Variants in WWP2 observed in about 807,000 individuals in gnomAD.
WWP2 encodes NEDD4-like E3 ubiquitin-protein ligase WWP2.
Under a neutral mutation model 121.0 loss-of-function variants are expected in WWP2, and 57 were observed. The ratio of observed to expected loss-of-function variants is 0.47; its 90% confidence interval spans 0.38 to 0.59. The LOEUF (loss-of-function observed/expected upper bound fraction) is 0.59, where lower values mean the gene tolerates loss of function less well. Among genes scored for constraint, WWP2 ranks in the 20% least tolerant of loss-of-function variants. WWP2 has a pLI of 0.00. For missense variants in WWP2, 962 were observed against 1,158.9 expected (o/e 0.83, Z 2.47); for synonymous variants, 449 against 441.3 (o/e 1.02, Z -0.22).
In WWP2 at chr16:69,821,023, C is replaced by T. The variant is rs1029364257; in HGVS notation, c.341-19103C>T. Among the ~76,000 whole-genome samples, 8 of 152,378 alleles carry T rather than the reference C, an allele frequency of 5.3e-5. No homozygotes were observed. In the East Asian group the frequency reaches 1.4e-3, roughly 26 times the overall value. ...GGCTATGGGCTGAGCCCAGTTCCAG[C>T]CGCCAAATGCAAGCCGTTGTTTCAT... On this transcript the variant is annotated intron_variant, in intron 4 of 23. Coordinates refer to ENST00000359154, the MANE Select transcript of WWP2 (RefSeq NM_001270454.2).
chr16:69,935,817 A>C lies in WWP2; in HGVS notation c.1843-36A>C, dbSNP rs745424513. On this transcript the variant is annotated intron_variant, in intron 17 of 23. Transcript: ENST00000359154. This position sits in a 1 kb window ranked among gnomAD's most constrained non-coding sequence, Gnocchi z 5.2. ...AGCTGGTCTTGGCAGTGCCCAGGGA[A>C]GGCCAAACCTCTGTGCTGTGCCTCT... is the stretch of plus-strand genomic sequence containing the variant. 6.3e-7 allele frequency: 1 copy of C among 1,586,890 alleles called. No individual in the cohort carries two copies. The highest frequency in any genetic ancestry group is 2.2e-5 in the East Asian group (1 of 44,738).
intron 7 of WWP2, among the ~76,000 whole-genome samples, chr16:69,877,342 C>T (rs2151924223): frequency 6.6e-6 from 1 of 152,336 alleles, no homozygotes; most frequent in East Asian, 1.9e-4. Context: ...TCTGCAACTT[C>T]CTCACCACTC....
intron 4 of WWP2, among the ~76,000 whole-genome samples, chr16:69,818,900 C>T (rs925454528): frequency 1.3e-5 from 2 of 152,160 alleles, no homozygotes; most frequent in Non-Finnish European, 2.9e-5. Context: ...GCCCAAAACT[C>T]ACAGCTAGGG....
intron 1 of WWP2, among the ~76,000 whole-genome samples, chr16:69,764,279 A>G (rs914126026): frequency 1.3e-5 from 2 of 152,094 alleles, no homozygotes; most frequent in African/African-American, 2.4e-5. Context: ...GGCTCACTGT[A>G]ACCTTGACCT....
chr16:69,835,319 G>C (rs566477195), intron 4 of WWP2, among the ~76,000 whole-genome samples: 1 of 152,134 alleles, frequency 6.6e-6, no homozygotes, highest in Admixed American at 6.5e-5. Flanking sequence ...AGCCTCCCCT[G>C]TATGCTCGAA....
At chr16:69,904,599 G>A (rs1464457036) in intron 8 of WWP2, among the ~76,000 whole-genome samples, 5 of 152,078 alleles carry the variant, frequency 3.3e-5, no homozygotes, top group Non-Finnish European at 7.4e-5. Flanking sequence ...TCAAACTCCT[G>A]GTTTCAAGTG....
At chr16:69,879,199 A>G (rs1015679973) in intron 7 of WWP2, among the ~76,000 whole-genome samples, 34 of 152,190 alleles carry the variant, frequency 2.2e-4, no homozygotes, top group African/African-American at 7.2e-4. Flanking sequence ...TACAATTTTT[A>G]AAAATTGTAG....
At chr16:69,807,303 G>A (rs146880494) in intron 4 of WWP2, among the ~76,000 whole-genome samples, 2 of 152,036 alleles carry the variant, frequency 1.3e-5, no homozygotes, top group Admixed American at 6.6e-5. Context: ...CCATACTGCC[G>A]GGATTACAGG....
intron 10 of WWP2, among the ~76,000 whole-genome samples, chr16:69,923,837 A>C (rs570292105): frequency 1.3e-3 from 198 of 152,264 alleles, no homozygotes; most frequent in African/African-American, 4.4e-3. Context: ...GAATGTTTTT[A>C]ATGTGTTAAC....
rs1437321375 is a variant in WWP2 at position 69,871,911 on chromosome 16, G to A, written c.683G>A (p.Ser228Asn). 1.9e-6 allele frequency: 3 copies of A among 1,613,932 alleles called. No homozygotes were observed. The highest frequency in any genetic ancestry group is 2.5e-6 in the Non-Finnish European group (3 of 1,179,988). ...CAGCCCGTCAAGAACTCAGGCCACA[G>A]TGGCTTGGCCAATGGCACAGGTGAG... The part of the protein sequence containing the change: ...HRQPVKNSGH[S>N]GLANGTVNDE... The change falls in exon 7 of 24, where the codon AGT (serine) becomes AAT (asparagine). Residue 228 changes from serine to asparagine, a missense_variant. Coordinates refer to ENST00000359154, the MANE Select transcript of WWP2 (RefSeq NM_001270454.2).
chr16:69,937,604 C>A lies in WWP2; in HGVS notation c.2295C>A (p.Ile765=), dbSNP rs767693357. Residue 765 remains isoleucine, a synonymous_variant, in exon 21 of 24, where the codon ATC becomes ATA. Transcript: ENST00000359154. This position sits in a 1 kb window ranked among gnomAD's most constrained non-coding sequence, Gnocchi z 6.6. ...TGAGCGACTGGCAGAAGAGCACCATCTACCGGCACTACACCAAGAACAGCA... is the reference window on the plus strand; with the variant it reads ...TGAGCGACTGGCAGAAGAGCACCATATACCGGCACTACACCAAGAACAGCA... ...IDMSDWQKST[I]YRHYTKNSKQ... 2.4e-5 allele frequency: 38 copies of A among 1,614,030 alleles called. No homozygotes were observed. The East Asian group carries it at 8.2e-4, about 35-fold the overall frequency.
intron 7 of WWP2, among the ~76,000 whole-genome samples, chr16:69,882,217 A>T (rs1020484253): frequency 6.6e-6 from 1 of 152,326 alleles, no homozygotes; most frequent in Admixed American, 6.5e-5. Flanking sequence ...CGGCCTCCCA[A>T]AGTGCTGGGA....
At chr16:69,915,330 T>C (rs2058463221) in intron 9 of WWP2, among the ~76,000 whole-genome samples, 1 of 152,240 alleles carries the variant, frequency 6.6e-6, no homozygotes, top group Non-Finnish European at 1.5e-5. Flanking sequence ...GGGGAGGAGA[T>C]AGTTGAGGGA....
intron 4 of WWP2, among the ~76,000 whole-genome samples, chr16:69,806,118 T>C (rs905702944): frequency 1.3e-5 from 2 of 152,168 alleles, no homozygotes; most frequent in African/African-American, 2.4e-5. Flanking sequence ...GGAGGATCAC[T>C]TGAGTCCAGG....
rs572047317 is a variant in WWP2, at chr16:69,816,305, C to T, written c.340+17010C>T. 1.8e-3 allele frequency among the ~76,000 whole-genome samples: 277 copies of T among 151,538 alleles called. 3 individuals are homozygous for T. The highest frequency in any genetic ancestry group is 6.2e-3 in the African/African-American group (257 of 41,348). On this transcript the variant is annotated intron_variant, in intron 4 of 23. Coordinates refer to ENST00000359154, the MANE Select transcript of WWP2 (RefSeq NM_001270454.2). ...CACAATTAAAAATAATTACTTAGCCCAGTGCAGTGGCTCACGCTTGTAATT... is the reference window on the plus strand; with the variant it reads ...CACAATTAAAAATAATTACTTAGCCTAGTGCAGTGGCTCACGCTTGTAATT...
rs376007962 is a variant in WWP2, at chr16:69,925,552, G to A, written c.1234+68G>A. On this transcript the variant is annotated intron_variant, in intron 11 of 23. Transcript: ENST00000359154. This position sits in a 1 kb window ranked among gnomAD's most constrained non-coding sequence, Gnocchi z 4.0. Reference sequence around the variant, plus strand: ...CCACGGTGCTCTGTCCTCTCCTCCCGCGTGTCTTCCTTCCCTGTTCCTGTC... The same window carrying A: ...CCACGGTGCTCTGTCCTCTCCTCCCACGTGTCTTCCTTCCCTGTTCCTGTC... 152 of 1,572,842 alleles carry A rather than the reference G, an allele frequency of 9.7e-5. No homozygotes were observed. In the South Asian group the frequency reaches 1.3e-3, roughly 13 times the overall value.
intron 6 of WWP2, among the ~76,000 whole-genome samples, chr16:69,862,639 A>G (rs956587281): frequency 1.3e-5 from 2 of 149,330 alleles, no homozygotes; most frequent in Non-Finnish European, 3.0e-5. Flanking sequence ...CCTCCCTTTC[A>G]TATTCTGGGC....
chr16:69,824,748 C>G (rs183646428), intron 4 of WWP2, among the ~76,000 whole-genome samples: 1 of 149,818 alleles, frequency 6.7e-6, no homozygotes, highest in East Asian at 2.0e-4. Flanking sequence ...CTAGAATGAC[C>G]TCAACTTTGC....
rs199903220 is a variant in WWP2 at position 69,871,761 on chromosome 16, C to T, written c.576-43C>T. 1.5e-3 allele frequency: 2,492 copies of T among 1,609,352 alleles called. 3 individuals carry two copies. Among genetic ancestry groups the T allele is most frequent in the Non-Finnish European group, 2.0e-3 (2,355 of 1,177,048 alleles). On this transcript the variant is annotated intron_variant, in intron 6 of 23. Coordinates refer to ENST00000359154, the MANE Select transcript of WWP2 (RefSeq NM_001270454.2). ...AGGTAGGAAACACTTCTGTCCTTTT[C>T]ACAGTGACTTATGTCTGTCTGCTTT...
Sources: allele counts gnomAD v4.1 joint callset (sites outside exome capture counted in the v4.1 genomes callset), GRCh38; gene constraint gnomAD v4.1.1; non-coding constraint Gnocchi (gnomAD v3.1); transcripts MANE v1.5; gene names NCBI Gene and HGNC (gene_info 2026-07-23, HGNC 2026-07-21).